ABCA13: variants seen among roughly 807,000 people sequenced by gnomAD.
ABCA13 encodes ATP binding cassette subfamily A member 13.
Under a neutral mutation model 478.7 loss-of-function variants are expected in ABCA13, and 476 were observed. The ratio of observed to expected loss-of-function variants is 0.99; its 90% CI spans 0.92 to 1.07. The LOEUF (loss-of-function observed/expected upper bound fraction) is 1.07, where lower values mean the gene tolerates loss of function less well. Among genes scored for constraint, ABCA13 ranks in the 50% least tolerant of loss-of-function variants. The pLI is 0.00. For missense variants in ABCA13, 6,060 were observed against 5,910.6 expected, an observed-to-expected ratio of 1.03 and a Z score of -0.83; for synonymous variants, 2,252 against 2,158.9, an observed-to-expected ratio of 1.04 and a Z score of -1.20.
At chr7:48,553,655 A>G (rs1017066300) in intron 55 of ABCA13, among the ~76,000 whole-genome samples, 1 of 151,902 alleles carries the variant, frequency 6.6e-6, no homozygotes, top group Non-Finnish European at 1.5e-5. Context: ...TTTAAATCAA[A>G]TTATTAGATT....
At chr7:48,622,642 T>C (rs1793253886) in intron 59 of ABCA13, among the ~76,000 whole-genome samples, 1 of 152,210 alleles carries the variant, frequency 6.6e-6, no homozygotes, top group Non-Finnish European at 1.5e-5. Flanking sequence ...TCTTTTGTCT[T>C]CACCATTTAT....
At chr7:48,625,501 C>T (rs1793584185) in intron 59 of ABCA13, among the ~76,000 whole-genome samples, 1 of 152,040 alleles carries the variant, frequency 6.6e-6, no homozygotes, top group Non-Finnish European at 1.5e-5. Context: ...AATTAATTCT[C>T]TTTACTAGAA....
chr7:48,239,694 T>C (rs114776613), intron 9 of ABCA13, among the ~76,000 whole-genome samples: 3,446 of 152,332 alleles, frequency 0.023, 136 homozygotes, highest in African/African-American at 0.079. Context: ...CTGTTATTGG[T>C]GCATGAGATT....
intron 41 of ABCA13, among the ~76,000 whole-genome samples, chr7:48,416,085 G>A (rs1372538126): frequency 6.6e-6 from 1 of 152,148 alleles, no homozygotes; most frequent in African/African-American, 2.4e-5. Context: ...TGTCAGCTGT[G>A]CTGTTTCATG....
At chr7:48,506,282 G>A (rs577455144) in intron 48 of ABCA13, 54 bp from the exon 49 acceptor site, 117 of 1,568,906 alleles carry the variant, frequency 7.5e-5, no homozygotes, top group Non-Finnish European at 9.1e-5. Context: ...GATGAGCTGC[G>A]ATTCACCATG....
rs1246740650 is a variant in ABCA13 at position 48,240,969 on chromosome 7, C to T, written c.1165C>T (p.Pro389Ser). 2 of 1,613,686 alleles carry T rather than the reference C, an allele frequency of 1.2e-6. No homozygotes were observed. Among genetic ancestry groups the T allele is most frequent in the Non-Finnish European group, 8.5e-7 (1 of 1,179,774 alleles). Residue 389 changes from proline (P) to serine (S), a missense_variant, in exon 10 of 62, where the codon CCC (proline) becomes TCC (serine). Transcript: ENST00000435803. ...LRNQFEEESK[P>S]WKVVEALHTA... Reference sequence around the variant, plus strand: ...GAATCAGTTTGAAGAAGAGAGCAAGCCCTGGAAGGTGGTGGAAGCTCTGCA... The same window carrying T: ...GAATCAGTTTGAAGAAGAGAGCAAGTCCTGGAAGGTGGTGGAAGCTCTGCA...
At chr7:48,369,062 C>G (rs984895039) in intron 32 of ABCA13, among the ~76,000 whole-genome samples, 1 of 151,904 alleles carries the variant, frequency 6.6e-6, no homozygotes, top group East Asian at 1.9e-4. Flanking sequence ...ATGCCAACAT[C>G]GATTATTTTT....
chr7:48,225,437 A>G (rs1788070925), intron 5 of ABCA13, among the ~76,000 whole-genome samples: 2 of 152,144 alleles, frequency 1.3e-5, no homozygotes, highest in Non-Finnish European at 2.9e-5. Context: ...ACCACAGTAC[A>G]ATTATTAGAA....
intron 15 of ABCA13, among the ~76,000 whole-genome samples, chr7:48,262,250 C>T (rs543207547): frequency 9.9e-5 from 15 of 152,018 alleles, no homozygotes; most frequent in African/African-American, 3.6e-4. Flanking sequence ...TTTCTTCAGA[C>T]TAGTCAATCT....
intron 22 of ABCA13, among the ~76,000 whole-genome samples, chr7:48,297,786 CT>C (rs11393352): frequency 0.024 from 3,466 of 141,860 alleles, 53 homozygotes; most frequent in Non-Finnish European, 0.037. Flanking sequence ...TTCTTTCTTT[CT>C]TTTTTTTTTT....
intron 40 of ABCA13, 78 bp from the exon 41 acceptor site, chr7:48,412,275 G>T: frequency 9.2e-7 from 1 of 1,090,492 alleles, no homozygotes; most frequent in Non-Finnish European, 1.3e-6. Context: ...TTTGCTTATG[G>T]ATATACATGA....
intron 38 of ABCA13, among the ~76,000 whole-genome samples, chr7:48,394,758 G>C (rs1341479633): frequency 2.0e-5 from 3 of 152,026 alleles, no homozygotes; most frequent in Admixed American, 1.3e-4. Context: ...AAGTTCTTTA[G>C]TGGTGATTTG....
chr7:48,261,925 G>T (rs1480447611), intron 15 of ABCA13, among the ~76,000 whole-genome samples: 1 of 151,908 alleles, frequency 6.6e-6, no homozygotes, highest in African/African-American at 2.4e-5. Flanking sequence ...ATCACTCTAG[G>T]ATAATCGGGC....
chr7:48,567,793 T>C (rs534355211), intron 55 of ABCA13, among the ~76,000 whole-genome samples: 4 of 152,202 alleles, frequency 2.6e-5, no homozygotes, highest in Admixed American at 2.6e-4. Context: ...TACTTGTTTG[T>C]GAATTTTATA....
At chr7:48,610,511 T>C (rs1322333582) in intron 58 of ABCA13, among the ~76,000 whole-genome samples, 1 of 152,184 alleles carries the variant, frequency 6.6e-6, no homozygotes, top group Admixed American at 6.5e-5. Context: ...GTGGTAGCCC[T>C]CTTCTCACAG....
intron 22 of ABCA13, 84 bp downstream of exon 22, chr7:48,297,395 A>T (rs1799529622): frequency 1.5e-6 from 2 of 1,318,826 alleles, no homozygotes; most frequent in Non-Finnish European, 2.1e-6. Flanking sequence ...TAAAACATAC[A>T]ACAGAAAATT....
chr7:48,182,670 A>G (rs1033450816), intron 1 of ABCA13, among the ~76,000 whole-genome samples: 1 of 152,232 alleles, frequency 6.6e-6, no homozygotes, highest in East Asian at 1.9e-4. Context: ...ACAAAAAAAG[A>G]GAGAAGGGAG....
intron 3 of ABCA13, among the ~76,000 whole-genome samples, chr7:48,216,454 ATAAAGTTG>A (rs1478185592): frequency 6.6e-6 from 1 of 152,164 alleles, no homozygotes; most frequent in Non-Finnish European, 1.5e-5. Flanking sequence ...TCTTTTTATT[ATAAAGTTG>A]TAAGAATTCT....
At chr7:48,533,659 T>C (rs1833387094) in intron 55 of ABCA13, among the ~76,000 whole-genome samples, 1 of 152,158 alleles carries the variant, frequency 6.6e-6, no homozygotes, top group Non-Finnish European at 1.5e-5. Context: ...AATTGTTTTA[T>C]AAATTTAGGA....
Sources: gnomAD v4.1 joint callset for allele counts (sites outside exome capture counted in the v4.1 genomes callset) on GRCh38, gnomAD v4.1.1 for gene constraint, MANE v1.5 for transcripts, NCBI Gene and HGNC (gene_info 2026-07-23, HGNC 2026-07-21) for gene names.